Variants in AKAP6 observed in about 807,000 individuals in gnomAD.
AKAP6 encodes the protein A-kinase anchoring protein 6.
AKAP6 carries 58 observed loss-of-function variants against 188.5 expected under a neutral mutation model. The ratio of observed to expected loss-of-function variants is 0.31; its 90% confidence interval spans 0.25 to 0.38. The LOEUF (loss-of-function observed/expected upper bound fraction) is 0.38. AKAP6 is among the 10% of genes least tolerant of loss of function. The pLI is 1.00. For missense variants in AKAP6, 2,710 were observed against 2,740.0 expected (o/e 0.99, Z 0.24); for synonymous variants, 989 against 998.6 (o/e 0.99, Z 0.18).
chr14:32,464,272 C>G (rs1412882508), intron 2 of AKAP6, among the ~76,000 whole-genome samples: 2 of 152,126 alleles, frequency 1.3e-5, no homozygotes, highest in Non-Finnish European at 2.9e-5. Context: ...GATACCAAAG[C>G]CTGGCAGGGA....
At chr14:32,721,385 GT>G (rs1351167492) in intron 9 of AKAP6, among the ~76,000 whole-genome samples, 1 of 152,132 alleles carries the variant, frequency 6.6e-6, no homozygotes, top group Non-Finnish European at 1.5e-5. Context: ...ATTTTTGAGG[GT>G]GATATTTATC....
At chr14:32,528,132 G>A (rs1882222690) in intron 2 of AKAP6, among the ~76,000 whole-genome samples, 1 of 152,188 alleles carries the variant, frequency 6.6e-6, no homozygotes, top group African/African-American at 2.4e-5. Flanking sequence ...TGTTAAGGGT[G>A]TAAGGTCTAT....
chr14:32,595,523 G>A (rs1217038549), intron 5 of AKAP6, among the ~76,000 whole-genome samples: 1 of 151,872 alleles, frequency 6.6e-6, no homozygotes, highest in African/African-American at 2.4e-5. Context: ...TTTATTTTAT[G>A]TTAGAGACAC....
At chr14:32,439,609 C>A (rs1417556434) in intron 2 of AKAP6, among the ~76,000 whole-genome samples, 1 of 145,768 alleles carries the variant, frequency 6.9e-6, no homozygotes, top group Non-Finnish European at 1.5e-5. Context: ...AGTAAGGCTA[C>A]CTCAGATGGC....
intron 12 of AKAP6, among the ~76,000 whole-genome samples, chr14:32,793,503 C>T (rs1457636124): frequency 6.6e-6 from 1 of 152,000 alleles, no homozygotes; most frequent in Non-Finnish European, 1.5e-5. Context: ...GCACCCAATA[C>T]AGAAGCACAC....
At chr14:32,623,466 T>A (rs559774382) in intron 7 of AKAP6, among the ~76,000 whole-genome samples, 10 of 152,224 alleles carry the variant, frequency 6.6e-5, no homozygotes, top group African/African-American at 2.4e-4. Context: ...CCCTACTTCT[T>A]ACCCATTAAT....
intron 7 of AKAP6, among the ~76,000 whole-genome samples, chr14:32,651,717 C>T (rs1203299363): frequency 6.6e-6 from 1 of 152,176 alleles, no homozygotes; most frequent in Non-Finnish European, 1.5e-5. Flanking sequence ...AATTACCTCC[C>T]TAAGGCCACA....
chr14:32,457,509 G>T (rs1002576078), intron 2 of AKAP6, among the ~76,000 whole-genome samples: 1 of 152,012 alleles, frequency 6.6e-6, no homozygotes, highest in South Asian at 2.1e-4. Flanking sequence ...ATGTGCTAGG[G>T]GAGGCTGAAC....
At chr14:32,528,930 A>C (rs905987829) in intron 2 of AKAP6, among the ~76,000 whole-genome samples, 3 of 152,120 alleles carry the variant, frequency 2.0e-5, no homozygotes, top group African/African-American at 7.2e-5. Context: ...CACCTGCCTC[A>C]GCCTCCCAGA....
At chr14:32,616,718 A>T (rs538002845) in intron 7 of AKAP6, among the ~76,000 whole-genome samples, 4 of 152,208 alleles carry the variant, frequency 2.6e-5, no homozygotes, top group Admixed American at 6.5e-5. Context: ...CCTGTATAAC[A>T]AACCTGCACA....
intron 1 of AKAP6, among the ~76,000 whole-genome samples, chr14:32,334,068 A>G (rs531661422): frequency 1.5e-4 from 23 of 152,236 alleles, no homozygotes; most frequent in African/African-American, 4.8e-4. Context: ...AAACAATCAT[A>G]TTGACTGAAC....
chr14:32,552,143 T>C (rs1287435688), intron 4 of AKAP6, among the ~76,000 whole-genome samples: 1 of 152,224 alleles, frequency 6.6e-6, no homozygotes, highest in Admixed American at 6.5e-5. Context: ...TAAAGACTAC[T>C]GAATGACTGA....
rs573818515 is a variant in AKAP6, at chr14:32,773,671, G to A, written c.3373-7G>A. The A allele has an allele frequency of 1.2e-6, 2 of 1,613,264 alleles. No homozygotes were observed. The highest frequency in any genetic ancestry group is 2.7e-5 in the African/African-American group (2 of 75,000). On this transcript the variant is annotated splice_polypyrimidine_tract_variant and splice_region_variant and intron_variant, in intron 11 of 13. Transcript: ENST00000280979. ...CACTCATAGATTGGTTTCTCTCTAT[G>A]TTGCAGTCCCTCTGTCGTGAAATCA...
At chr14:32,424,757 G>C (rs577175015) in intron 1 of AKAP6, among the ~76,000 whole-genome samples, 3 of 152,162 alleles carry the variant, frequency 2.0e-5, no homozygotes, top group Non-Finnish European at 2.9e-5. Flanking sequence ...TGCAGTATTT[G>C]GTTTTCTGTT....
chr14:32,540,168 C>CTCTCTATATATATATA (rs1240063339), intron 3 of AKAP6, among the ~76,000 whole-genome samples: 11 of 60,916 alleles, frequency 1.8e-4, no homozygotes, highest in African/African-American at 1.1e-3. Context: ...CTCTCTCTCT[C>CTCTCTATATATATATA]TATATATATA....
At chr14:32,766,719 G>A (rs1210026470) in intron 11 of AKAP6, among the ~76,000 whole-genome samples, 5 of 152,010 alleles carry the variant, frequency 3.3e-5, no homozygotes, top group African/African-American at 4.8e-5. Context: ...CCATTCTGTG[G>A]TTTTTCTTTT....
intron 5 of AKAP6, among the ~76,000 whole-genome samples, chr14:32,595,781 C>T (rs182892206): frequency 2.4e-4 from 36 of 152,172 alleles, no homozygotes; most frequent in South Asian, 8.3e-4. Context: ...GCTTAAGGCC[C>T]GACCACTCTG....
intron 12 of AKAP6, among the ~76,000 whole-genome samples, chr14:32,799,864 A>C (rs1258199356): frequency 6.6e-6 from 1 of 151,792 alleles, no homozygotes; most frequent in Non-Finnish European, 1.5e-5. Context: ...CTATGTACCT[A>C]TTGATTTTCT....
At chr14:32,338,630 G>A (rs949922804) in intron 1 of AKAP6, among the ~76,000 whole-genome samples, 1 of 152,028 alleles carries the variant, frequency 6.6e-6, no homozygotes, top group Non-Finnish European at 1.5e-5. Flanking sequence ...CCTAAACACT[G>A]AACAAAAACA....
Sources: gnomAD v4.1 joint callset for allele counts (sites outside exome capture counted in the v4.1 genomes callset) on GRCh38, gnomAD v4.1.1 for gene constraint, MANE v1.5 for transcripts, NCBI Gene and HGNC (gene_info 2026-07-23, HGNC 2026-07-21) for gene names.